The following FTSJ1 variants were observed in gnomAD, a reference collection of about 807,000 sequenced individuals.
FTSJ1 encodes tRNA (cytidine(32)/guanosine(34)-2'-O)-methyltransferase.
A neutral mutation model predicts 28.5 loss-of-function variants in FTSJ1; 3 were observed. The observed-to-expected ratio is 0.11, with a 90% confidence interval of 0.05 to 0.27. FTSJ1 has a LOEUF of 0.27. Ranked by LOEUF, FTSJ1 falls within the 10% of genes least tolerant of loss-of-function variation. The pLI is 1.00. For missense variants in FTSJ1, 162 were observed against 279.0 expected, an observed-to-expected ratio of 0.58 and a Z score of 2.99; for synonymous variants, 104 against 113.9, an observed-to-expected ratio of 0.91 and a Z score of 0.55.
intron 2 of FTSJ1, 98 bp from the exon 3 acceptor site, chrX:48,478,351 G>A: frequency 2.2e-6 from 2 of 904,543 alleles, no homozygotes; most frequent in Non-Finnish European, 3.2e-6. Flanking sequence ...ATGGAGATAT[G>A]TGGGTGCTCC....
In FTSJ1 at chrX:48,478,245, T is replaced by C. The variant is rs1267288933; in HGVS notation, c.121+77T>C. ...AACAAGTAGGCTGGGTCTGCAGAGC[T>C]CCCTGTGGTAGGTGGGCTGACTCAG... On this transcript the variant is annotated intron_variant, in intron 2 of 12. Transcript: ENST00000348411. The C allele has an allele frequency of 2.9e-6, 3 of 1,018,944 alleles. No individual in the cohort carries two copies. The East Asian group carries it at 9.7e-5, about 33-fold the overall frequency. The allele number at this position is 1,018,944 out of a possible 1,213,427, so 84.0% of individuals were successfully genotyped here. A position where few individuals can be genotyped will look rare whatever the true frequency, so the allele number is the denominator to read the frequency against.
intron 9 of FTSJ1, 32 bp from the exon 10 acceptor site, chrX:48,482,371 C>T (rs782426181): frequency 9.5e-7 from 1 of 1,052,057 alleles, no homozygotes; most frequent in Non-Finnish European, 1.3e-6. Flanking sequence ...GCATCCTGAC[C>T]TTGTCCTCAG....
chrX:48,481,599 G>A lies in FTSJ1; in HGVS notation c.572-33G>A, dbSNP rs2061569673. On this transcript the variant is annotated intron_variant, in intron 8 of 12. Transcript: ENST00000348411. ...ACGCCGACTGCACGAGGAGGAAGCG[G>A]CAGTCATGCCTCACTCCACCTTCCC... 7.0e-6 allele frequency: 8 copies of A among 1,149,083 alleles called. No individual in the cohort carries two copies. The South Asian group carries it at 1.1e-4, about 16-fold the overall frequency. 94.7% of individuals were successfully genotyped at this position (1,149,083 alleles called of 1,213,427 possible).
At chrX:48,479,889 A>G (rs1556967943) in intron 5 of FTSJ1, among the ~76,000 whole-genome samples, 1 of 111,243 alleles carries the variant, frequency 9.0e-6, no homozygotes, top group East Asian at 2.8e-4. Context: ...CACGCCTGTA[A>G]TCCCAGCACT....
chrX:48,477,279 A>G (rs1453757437), intron 1 of FTSJ1, among the ~76,000 whole-genome samples: 3 of 111,011 alleles, frequency 2.7e-5, no homozygotes, highest in Non-Finnish European at 5.7e-5. Context: ...TGAAAGAGTT[A>G]CAGGGCAGGA....
chrX:48,476,527 C>G, intron 1 of FTSJ1, 131 bp downstream of exon 1: 1 of 270,937 alleles, frequency 3.7e-6, no homozygotes, highest in Non-Finnish European at 6.5e-6. Flanking sequence ...GGGCGGCTGG[C>G]ACCGGGTGGG....
intron 5 of FTSJ1, among the ~76,000 whole-genome samples, chrX:48,480,156 G>A (rs1236862567): frequency 9.0e-6 from 1 of 110,636 alleles, no homozygotes; most frequent in African/African-American, 3.3e-5. Flanking sequence ...AAAAAAAAAG[G>A]TGGGGTGGGG....
chrX:48,479,110 C>T lies in FTSJ1; in HGVS notation c.355C>T (p.Pro119Ser). 2.5e-6 allele frequency: 3 copies of T among 1,197,416 alleles called. No individual in the cohort carries two copies. Among genetic ancestry groups the T allele is most frequent in the Non-Finnish European group, 3.4e-6 (3 of 882,093 alleles). ...GGACCTAGTGGTGTGTGACGGGGCT[C>T]CTGATGGTAAATAGCAACAGAAAGT... is the stretch of plus-strand genomic sequence containing the variant. The part of the protein sequence containing the change: ...PADLVVCDGA[P>S]DVTGLHDVDE... Residue 119 changes from proline to serine, a missense_variant, in exon 5 of 13, where the codon CCT becomes TCT. Physicochemically the swap from Pro to Ser is moderately conservative, Grantham distance 74. Transcript: ENST00000348411.
At chrX:48,483,363 C>A in intron 12 of FTSJ1, 2 of 258,367 alleles carry the variant, frequency 7.7e-6, no homozygotes, top group South Asian at 1.4e-4. Flanking sequence ...AGTTTACATA[C>A]ACATATATAC....
chrX:48,477,021 C>T (rs1228454985), intron 1 of FTSJ1, among the ~76,000 whole-genome samples: 1 of 110,148 alleles, frequency 9.1e-6, no homozygotes, highest in Non-Finnish European at 1.9e-5. Flanking sequence ...TAATGAGAGG[C>T]TGATGGTGTT....
intron 9 of FTSJ1, 30 bp downstream of exon 9, chrX:48,481,745 G>C: frequency 1.1e-6 from 1 of 909,332 alleles, no homozygotes; most frequent in Non-Finnish European, 1.6e-6. Context: ...CCACCCTGGG[G>C]GACTCTGCCA....
intron 5 of FTSJ1, among the ~76,000 whole-genome samples, chrX:48,480,472 A>G (rs1020241578): frequency 1.8e-5 from 2 of 109,896 alleles, no homozygotes; most frequent in Admixed American, 2.0e-4. Flanking sequence ...GACAGATCCT[A>G]TAGGGCCTCG....
At chrX:48,477,156 G>A (rs2061537864) in intron 1 of FTSJ1, among the ~76,000 whole-genome samples, 1 of 111,259 alleles carries the variant, frequency 9.0e-6, no homozygotes, top group African/African-American at 3.3e-5. Flanking sequence ...TACATAGTAG[G>A]TGAATAGTAA....
chrX:48,478,392 C>G (rs1047404384), intron 2 of FTSJ1, 57 bp from the exon 3 acceptor site: 25 of 1,131,339 alleles, frequency 2.2e-5, no homozygotes, highest in Non-Finnish European at 6.0e-6. Flanking sequence ...TTGCAAGGGT[C>G]TCCAGGTTGG....
At chrX:48,477,769 G>A (rs2061542392) in intron 1 of FTSJ1, among the ~76,000 whole-genome samples, 192 bp from the exon 2 acceptor site, 1 of 110,530 alleles carries the variant, frequency 9.0e-6, no homozygotes, top group African/African-American at 3.3e-5. Flanking sequence ...TGGGAACTGT[G>A]GGGTAAGTGA....
intron 9 of FTSJ1, 70 bp downstream of exon 9, chrX:48,481,785 C>A: frequency 1.5e-6 from 1 of 679,400 alleles, no homozygotes; most frequent in Non-Finnish European, 2.4e-6. Flanking sequence ...CCCATGAGGG[C>A]CCACAGTCTC....
chrX:48,483,096 ACCTT>A, intron 12 of FTSJ1, 69 bp downstream of exon 12: 1 of 854,953 alleles, frequency 1.2e-6, no homozygotes, highest in Non-Finnish European at 1.7e-6. Context: ...GTAAAATTTC[ACCTT>A]TGAAATTTTT....
At chrX:48,482,330 A>T in intron 9 of FTSJ1, 73 bp from the exon 10 acceptor site, 1 of 667,303 alleles carries the variant, frequency 1.5e-6, no homozygotes, top group Non-Finnish European at 2.4e-6. Flanking sequence ...TTTGGCAGCC[A>T]TACCGCCGCC....
intron 12 of FTSJ1, among the ~76,000 whole-genome samples, chrX:48,485,136 A>G (rs2061594038): frequency 9.0e-6 from 1 of 111,609 alleles, no homozygotes. Context: ...TCTACTAAAA[A>G]TACAAAAATT....
Sources: allele counts gnomAD v4.1 joint callset (sites outside exome capture counted in the v4.1 genomes callset), GRCh38; gene constraint gnomAD v4.1.1; transcripts MANE v1.5; gene names NCBI Gene and HGNC (gene_info 2026-07-23, HGNC 2026-07-21).